Variants in DRD2 observed in about 807,000 individuals in gnomAD.
DRD2 encodes the protein D(2) dopamine receptor.
DRD2 carries 8 observed loss-of-function variants against 38.0 expected under a neutral mutation model. The ratio of observed to expected loss-of-function variants is 0.21; its 90% confidence interval spans 0.12 to 0.38. The LOEUF is 0.38. Among genes scored for constraint, DRD2 ranks in the 10% least tolerant of loss-of-function variants. DRD2 has a pLI of 1.00. For synonymous variants in DRD2, 230 were observed against 238.6 expected (o/e 0.96, Z 0.33); for missense variants, 403 against 607.7 (o/e 0.66, Z 3.54).
chr11:113,415,986 T>C (rs1950822063), intron 4 of DRD2, among the ~76,000 whole-genome samples: 1 of 152,160 alleles, frequency 6.6e-6, no homozygotes, highest in African/African-American at 2.4e-5. Flanking sequence ...GTCTGACCTG[T>C]GTATTGGGAG....
At chr11:113,464,378 G>A (rs1349469475) in intron 1 of DRD2, among the ~76,000 whole-genome samples, 1 of 152,132 alleles carries the variant, frequency 6.6e-6, no homozygotes, top group African/African-American at 2.4e-5. Context: ...TAAAGACTCT[G>A]TTCCTTTCAG....
intron 1 of DRD2, among the ~76,000 whole-genome samples, chr11:113,471,962 C>T (rs1951431499): frequency 1.3e-5 from 2 of 152,196 alleles, no homozygotes; most frequent in Admixed American, 1.3e-4. Context: ...GGAGATATTA[C>T]AAATATGACT....
Position 113,410,660 on chromosome 11 carries a change from A to G in DRD2, c.*67T>C, listed in dbSNP as rs1950760213. 6.2e-7 allele frequency: 1 copy of G among 1,602,668 alleles called. No individual in the cohort carries two copies. The highest frequency in any genetic ancestry group is 8.5e-7 in the Non-Finnish European group (1 of 1,171,058). ...CCAGGCCTTCCTGCTCACGGTTCGC[A>G]AGGGTGAGGCTGGCCGGCCTGGGCA... is the stretch of plus-strand genomic sequence containing the variant. On this transcript the variant is annotated 3_prime_UTR_variant, in exon 8 of 8. Transcript: ENST00000362072.
At chr11:113,416,275 T>G (rs905044491) in intron 4 of DRD2, among the ~76,000 whole-genome samples, 1 of 152,236 alleles carries the variant, frequency 6.6e-6, no homozygotes, top group Non-Finnish European at 1.5e-5. Context: ...CCATCGCTCT[T>G]GCCTCCCTGA....
intron 2 of DRD2, among the ~76,000 whole-genome samples, chr11:113,422,507 C>T (rs1489625223): frequency 1.3e-5 from 2 of 152,106 alleles, no homozygotes; most frequent in East Asian, 1.9e-4. Flanking sequence ...GGGGATCAAG[C>T]GTAAGAATTA....
intron 1 of DRD2, among the ~76,000 whole-genome samples, chr11:113,465,869 G>A (rs1384044504): frequency 6.6e-6 from 1 of 152,206 alleles, no homozygotes; most frequent in African/African-American, 2.4e-5. Flanking sequence ...GGGTTCTGTG[G>A]ACACTTCTCT....
intron 1 of DRD2, among the ~76,000 whole-genome samples, chr11:113,455,981 G>C (rs1322798178): frequency 6.6e-6 from 1 of 152,124 alleles, no homozygotes; most frequent in Admixed American, 6.5e-5. Context: ...AGAGATATCT[G>C]TATCCTCATG....
At chr11:113,433,473 TG>T (rs1951007545) in intron 1 of DRD2, among the ~76,000 whole-genome samples, 1 of 152,102 alleles carries the variant, frequency 6.6e-6, no homozygotes, top group Admixed American at 6.5e-5. Context: ...GACTACCATT[TG>T]GGGGTGGCAG....
At chr11:113,425,450 G>T (rs995777105) in intron 1 of DRD2, among the ~76,000 whole-genome samples, 3 of 152,190 alleles carry the variant, frequency 2.0e-5, no homozygotes, top group Non-Finnish European at 4.4e-5. Context: ...ACCTGGCAAG[G>T]GTTGAGTCTG....
At chr11:113,412,932 C>T in intron 6 of DRD2, 49 bp from the exon 7 acceptor site, 1 of 1,562,716 alleles carries the variant, frequency 6.4e-7, no homozygotes, top group Non-Finnish European at 8.6e-7. Context: ...AGTTCCCAGG[C>T]ATCAGCCACC....
At chr11:113,445,431 C>T (rs768000390) in intron 1 of DRD2, among the ~76,000 whole-genome samples, 3 of 152,124 alleles carry the variant, frequency 2.0e-5, no homozygotes, top group African/African-American at 7.2e-5. Flanking sequence ...AAAATTATCT[C>T]GAATGGAAAA....
At chr11:113,426,514 A>C (rs1481784251) in intron 1 of DRD2, among the ~76,000 whole-genome samples, 1 of 152,194 alleles carries the variant, frequency 6.6e-6, no homozygotes, top group Non-Finnish European at 1.5e-5. Context: ...GCAAATTGAA[A>C]ACCACCAATT....
intron 1 of DRD2, among the ~76,000 whole-genome samples, chr11:113,468,258 T>C (rs751848824): frequency 3.9e-5 from 6 of 152,228 alleles, no homozygotes; most frequent in Non-Finnish European, 8.8e-5. Context: ...ATTCAAATCC[T>C]GGAAGTCTAA....
chr11:113,448,735 C>T (rs138225023), intron 1 of DRD2, among the ~76,000 whole-genome samples: 66 of 152,252 alleles, frequency 4.3e-4, no homozygotes, highest in Non-Finnish European at 7.6e-4. Flanking sequence ...CATTCGGGTT[C>T]CCTAGAGTGG....
intron 1 of DRD2, among the ~76,000 whole-genome samples, chr11:113,427,817 C>T (rs1950953719): frequency 6.6e-6 from 1 of 152,162 alleles, no homozygotes; most frequent in Non-Finnish European, 1.5e-5. Flanking sequence ...CCCCCAGTAC[C>T]TCAGAATGTG....
chr11:113,448,074 A>G (rs2119888859), intron 1 of DRD2, among the ~76,000 whole-genome samples: 1 of 152,242 alleles, frequency 6.6e-6, no homozygotes, highest in East Asian at 1.9e-4. Context: ...GGCAGCAGAG[A>G]ATGTAGTCAG....
intron 1 of DRD2, among the ~76,000 whole-genome samples, chr11:113,456,116 A>G (rs1951266114): frequency 6.6e-6 from 1 of 152,252 alleles, no homozygotes; most frequent in East Asian, 1.9e-4. Context: ...AGCCTTTACA[A>G]AGAATGAAAT....
At chr11:113,429,279 C>T (rs1452430950) in intron 1 of DRD2, among the ~76,000 whole-genome samples, 2 of 151,930 alleles carry the variant, frequency 1.3e-5, no homozygotes, top group African/African-American at 2.4e-5. Flanking sequence ...GAGTCTTGCT[C>T]TGTCACCCGG....
Position 113,410,690 on chromosome 11 carries a change from G to C in DRD2, c.*37C>G. 6.2e-7 allele frequency: 1 copy of C among 1,613,368 alleles called. No homozygotes were observed. Among genetic ancestry groups the C allele is most frequent in the Non-Finnish European group, 8.5e-7 (1 of 1,179,672 alleles). On this transcript the variant is annotated 3_prime_UTR_variant, in exon 8 of 8. Transcript: ENST00000362072. ...TGAGGCTGGCCGGCCTGGGCAGGGA[G>C]GTGGGAAGCAGGCTGCTGTGCGGGC...
Sources: gnomAD v4.1 joint callset for allele counts (sites outside exome capture counted in the v4.1 genomes callset) on GRCh38, gnomAD v4.1.1 for gene constraint, MANE v1.5 for transcripts, NCBI Gene and HGNC (gene_info 2026-07-23, HGNC 2026-07-21) for gene names.